SLC5A7: variants seen among roughly 807,000 people sequenced by gnomAD.
SLC5A7 encodes the protein high affinity choline transporter 1.
In SLC5A7, 19 loss-of-function variants were observed where a neutral mutation model predicts 55.4. The observed-to-expected ratio is 0.34, with a 90% CI of 0.24 to 0.50. SLC5A7 has a LOEUF of 0.50. Among genes scored for constraint, SLC5A7 ranks in the 20% least tolerant of loss-of-function variants. SLC5A7 has a pLI of 0.98. For missense variants in SLC5A7, 506 were observed against 705.3 expected (o/e 0.72, Z 3.20); for synonymous variants, 265 against 263.7 (o/e 1.00, Z -0.05).
At chr2:107,989,684 C>T (rs983741377) in intron 2 of SLC5A7, among the ~76,000 whole-genome samples, 2 of 152,174 alleles carry the variant, frequency 1.3e-5, no homozygotes, top group African/African-American at 4.8e-5. Flanking sequence ...GTGCCACATG[C>T]AGCCCTGTAA....
At chr2:108,001,788 T>G in intron 5 of SLC5A7, 109 bp from the exon 6 acceptor site, 1 of 1,149,724 alleles carries the variant, frequency 8.7e-7, no homozygotes, top group Non-Finnish European at 1.2e-6. Flanking sequence ...CTTCTCTGTC[T>G]GAACTAGAGG....
intron 4 of SLC5A7, among the ~76,000 whole-genome samples, chr2:107,997,475 A>G (rs1464859752): frequency 6.6e-6 from 1 of 152,222 alleles, no homozygotes; most frequent in Non-Finnish European, 1.5e-5. Flanking sequence ...CCTATTGGTA[A>G]GCAACACATG....
At chr2:107,996,924 T>C (rs527570458) in intron 4 of SLC5A7, among the ~76,000 whole-genome samples, 40 of 152,322 alleles carry the variant, frequency 2.6e-4, no homozygotes, top group African/African-American at 9.6e-4. Context: ...TGTCGCAAAT[T>C]AAAGAGGGAG....
Position 108,010,950 on chromosome 2 carries a change from T to A in SLC5A7, c.*89T>A, listed in dbSNP as rs1158924410. 3.1e-6 allele frequency: 4 copies of A among 1,290,398 alleles called. No individual in the cohort carries two copies. The Admixed American group carries it at 8.5e-5, about 27-fold the overall frequency. 79.9% of individuals were successfully genotyped at this position (1,290,398 alleles called of 1,614,324 possible). Reference sequence around the variant, plus strand: ...TGGTATGCAGCATACAAAAATATATTAAAAATATAAACAATGTTCAGGAGA... The same window carrying A: ...TGGTATGCAGCATACAAAAATATATAAAAAATATAAACAATGTTCAGGAGA... On this transcript the variant is annotated 3_prime_UTR_variant, in exon 9 of 9. Coordinates refer to ENST00000264047, the MANE Select transcript of SLC5A7 (RefSeq NM_021815.5).
In SLC5A7 at chr2:107,995,464, AGAGAGAGTGTGTGTGT is replaced by A. The variant is rs1677633327; in HGVS notation, c.448+2339_448+2354del. ...CTTTGGGAGAGAGAGAGAGAGAGAG[AGAGAGAGTGTGTGTGT>A]GTGTGTGTGTGTGTGTGTGTGAAGT... is the stretch of plus-strand genomic sequence containing the variant. On this transcript the variant is annotated intron_variant, in intron 4 of 8. Coordinates refer to ENST00000264047, the MANE Select transcript of SLC5A7 (RefSeq NM_021815.5). Among the ~76,000 whole-genome samples, 4 of 129,148 alleles carry A rather than the reference AGAGAGAGTGTGTGTGT, an allele frequency of 3.1e-5. No individual in the cohort carries two copies. In the South Asian group the frequency reaches 1.0e-3, roughly 33 times the overall value. The allele number at this position is 129,148 out of a possible 152,430, so 84.7% of individuals were successfully genotyped here. A position where few individuals can be genotyped will look rare whatever the true frequency, so the allele number is the denominator to read the frequency against.
intron 2 of SLC5A7, among the ~76,000 whole-genome samples, chr2:107,990,681 T>C (rs927382331): frequency 6.6e-6 from 1 of 152,226 alleles, no homozygotes; most frequent in East Asian, 1.9e-4. Context: ...AAACTTTTCA[T>C]TTAAATGTAC....
rs1233505896 is a variant in SLC5A7 at position 108,008,666 on chromosome 2, T to C, written c.1097T>C (p.Leu366Pro). The C allele has an allele frequency of 6.2e-7, 1 of 1,612,870 alleles. No homozygotes were observed. Among genetic ancestry groups the C allele is most frequent in the Non-Finnish European group, 8.5e-7 (1 of 1,179,536 alleles). ...SSMFARNIYQ[L>P]SFRQNASDKE... ...ATGTTTGCACGGAACATCTACCAGC[T>C]TTCCTTCAGACAAAATGTAAGAACA... Residue 366 changes from leucine to proline, a missense_variant, in exon 8 of 9, where the codon CTT becomes CCT. This residue lies in a region of SLC5A7 where 309 missense variants were observed against 478.6 expected (regional missense o/e 0.65). Coordinates refer to ENST00000264047, the MANE Select transcript of SLC5A7 (RefSeq NM_021815.5).
chr2:107,988,737 T>C (rs1027803464), intron 2 of SLC5A7, among the ~76,000 whole-genome samples: 7 of 152,184 alleles, frequency 4.6e-5, no homozygotes, highest in Admixed American at 3.3e-4. Context: ...ATGCATAAAG[T>C]TGTGACTTTG....
At chr2:107,995,482 T>TGC (rs1466586863) in intron 4 of SLC5A7, among the ~76,000 whole-genome samples, 15 of 151,804 alleles carry the variant, frequency 9.9e-5, no homozygotes, top group African/African-American at 3.6e-4. Flanking sequence ...TGTGTGTGTG[T>TGC]GTGTGTGTGT....
At chr2:107,988,566 G>T (rs1451710322) in intron 2 of SLC5A7, among the ~76,000 whole-genome samples, 1 of 152,116 alleles carries the variant, frequency 6.6e-6, no homozygotes, top group Admixed American at 6.5e-5. Context: ...TAAATCACTG[G>T]ACTGAACAGT....
At chr2:108,005,507 A>G (rs1286804073) in intron 6 of SLC5A7, among the ~76,000 whole-genome samples, 5 of 152,272 alleles carry the variant, frequency 3.3e-5, no homozygotes, top group Admixed American at 3.3e-4. Flanking sequence ...GTATGTAATT[A>G]TAGAGAAAAC....
chr2:107,993,066 C>T lies in SLC5A7; in HGVS notation c.387C>T (p.Leu129=), dbSNP rs142583411. The T allele has an allele frequency of 1.1e-5, 18 of 1,614,088 alleles. No individual in the cohort carries two copies. The highest frequency in any genetic ancestry group is 1.4e-5 in the Non-Finnish European group (17 of 1,180,040). Residue 129 remains leucine, a synonymous_variant, in exon 4 of 9, where the codon CTC becomes CTT. Coordinates refer to ENST00000264047, the MANE Select transcript of SLC5A7 (RefSeq NM_021815.5). ...QQIYGKRMGG[L]LFIPALMGEM... is the part of the protein sequence containing the mutation. ...TCTATGGAAAACGCATGGGCGGACT[C>T]CTGTTTATTCCTGCACTGATGGGAG...
Position 108,010,417 on chromosome 2 carries a change from T to A in SLC5A7, c.1299T>A (p.Tyr433Ter). 6.2e-7 allele frequency: 1 copy of A among 1,613,882 alleles called. No individual in the cohort carries two copies. Among genetic ancestry groups the A allele is most frequent in the Non-Finnish European group, 8.5e-7 (1 of 1,179,894 alleles). ...TCTTTGTTAAGGGAACCAACACCTA[T>A]GGGGCCGTGGCAGGTTATGTTTCTG... Reference protein sequence around the residue: ...CVLFVKGTNTYGAVAGYVSGL... With the variant: ...CVLFVKGTNT Residue 433 changes from tyrosine (Y) to a stop codon, truncating the protein, a stop_gained, in exon 9 of 9, where the codon TAT (tyrosine) becomes TAA (stop). Transcript: ENST00000264047. LOFTEE classifies it high-confidence loss of function.
In SLC5A7 at chr2:108,011,800, C is replaced by T. The variant is rs958668251; in HGVS notation, c.*939C>T. On this transcript the variant is annotated 3_prime_UTR_variant, in exon 9 of 9. Transcript: ENST00000264047. ...TCTGTTACGGTTAATGAGAGGCACA[C>T]TGCTAAATTTACGTATATTTCATTG... is the stretch of plus-strand genomic sequence containing the variant. The T allele has an allele frequency of 4.6e-5, 7 of 152,088 alleles. No individual in the cohort carries two copies. The highest frequency in any genetic ancestry group is 2.9e-5 in the Non-Finnish European group (2 of 68,006). 9.4% of individuals were successfully genotyped at this position (152,088 alleles called of 1,614,324 possible).
intron 5 of SLC5A7, among the ~76,000 whole-genome samples, chr2:107,998,816 G>A (rs1442202965): frequency 6.6e-6 from 1 of 152,174 alleles, no homozygotes; most frequent in Non-Finnish European, 1.5e-5. Flanking sequence ...TAGAGATCAT[G>A]ATTCATTTTC....
chr2:107,987,310 A>G (rs527327722), intron 1 of SLC5A7, among the ~76,000 whole-genome samples: 1 of 152,348 alleles, frequency 6.6e-6, no homozygotes, highest in Admixed American at 6.5e-5. Context: ...CTTGATTTTA[A>G]TATCTTTGAG....
intron 4 of SLC5A7, among the ~76,000 whole-genome samples, chr2:107,994,503 G>A (rs1558861800): frequency 6.6e-6 from 1 of 152,034 alleles, no homozygotes; most frequent in African/African-American, 2.4e-5. Context: ...GGAGAATGGC[G>A]TGAACCCGGG....
At chr2:107,994,657 A>G (rs1249599185) in intron 4 of SLC5A7, among the ~76,000 whole-genome samples, 1 of 152,212 alleles carries the variant, frequency 6.6e-6, no homozygotes. Context: ...AATACTCCAC[A>G]TCCACTGCTG....
chr2:107,988,733 A>G (rs2104333766), intron 2 of SLC5A7, among the ~76,000 whole-genome samples: 1 of 152,314 alleles, frequency 6.6e-6, no homozygotes. Flanking sequence ...ATACATGCAT[A>G]AAGTTGTGAC....
Sources: allele counts gnomAD v4.1 joint callset (sites outside exome capture counted in the v4.1 genomes callset), GRCh38; gene constraint gnomAD v4.1.1; regional missense constraint gnomAD v4.1.1; transcripts MANE v1.5; gene names NCBI Gene and HGNC (gene_info 2026-07-23, HGNC 2026-07-21).